The following GLT1D1 variants were observed in gnomAD, a reference collection of about 807,000 sequenced individuals.
GLT1D1 encodes the protein glycosyltransferase 1 domain containing 1.
Under a neutral mutation model 28.7 loss-of-function variants are expected in GLT1D1, and 21 were observed. The observed-to-expected ratio is 0.73, with a 90% CI of 0.52 to 1.05. The LOEUF (loss-of-function observed/expected upper bound fraction) is 1.05. Ranked by LOEUF, GLT1D1 falls within the 50% of genes least tolerant of loss-of-function variation. The pLI is 0.00. For synonymous variants in GLT1D1, 147 were observed against 124.8 expected, an observed-to-expected ratio of 1.18 and a Z score of -1.19; for missense variants, 343 against 330.6, an observed-to-expected ratio of 1.04 and a Z score of -0.29.
chr12:128,978,931 C>T (rs1007966731), intron 7 of GLT1D1, among the ~76,000 whole-genome samples: 1 of 152,162 alleles, frequency 6.6e-6, no homozygotes, highest in East Asian at 1.9e-4. Flanking sequence ...GGAGGTCATG[C>T]TCATCGTCCT....
At chr12:128,972,409 G>T (rs1879272472) in intron 7 of GLT1D1, among the ~76,000 whole-genome samples, 1 of 152,306 alleles carries the variant, frequency 6.6e-6, no homozygotes, top group East Asian at 1.9e-4. Flanking sequence ...CTCTGCTCAT[G>T]CTCCCTTGGC....
intron 2 of GLT1D1, among the ~76,000 whole-genome samples, chr12:128,881,840 A>C (rs145989644): frequency 6.6e-6 from 1 of 151,826 alleles, no homozygotes; most frequent in East Asian, 1.9e-4. Context: ...ATATGTTAGA[A>C]ATAGATGGTC....
At chr12:128,975,036 C>T (rs1474267567) in intron 7 of GLT1D1, among the ~76,000 whole-genome samples, 2 of 145,564 alleles carry the variant, frequency 1.4e-5, no homozygotes, top group Non-Finnish European at 1.6e-5. Context: ...TTAGTGCCCC[C>T]CCGCACCTGC....
rs1056610310 is a variant in GLT1D1, at chr12:128,899,396, G to A, written c.375+109G>A. On this transcript the variant is annotated intron_variant, in intron 4 of 7. Coordinates refer to ENST00000281703, the MANE Select transcript of GLT1D1 (RefSeq NM_144669.3). ...GACAGTGTTCCCATGGACGGTGCCT[G>A]TTGCGGCCACAATAGTGTATTATGT... 12 of 883,630 alleles carry A rather than the reference G, an allele frequency of 1.4e-5. No individual in the cohort carries two copies. The East Asian group carries it at 2.9e-4, about 21-fold the overall frequency. 54.7% of individuals were successfully genotyped at this position (883,630 alleles called of 1,614,324 possible).
chr12:128,879,389 T>TCTTTCTTTCTTTCTTTCTTC (rs1956958056), intron 2 of GLT1D1, among the ~76,000 whole-genome samples: 1 of 57,858 alleles, frequency 1.7e-5, no homozygotes, highest in Non-Finnish European at 3.2e-5. Context: ...TTTCTTTCTT[T>TCTTTCTTTCTTTCTTTCTTC]CTTTCTTTCT....
intron 2 of GLT1D1, among the ~76,000 whole-genome samples, chr12:128,879,385 T>TCTTC (rs1956956996): frequency 4.5e-5 from 2 of 44,700 alleles, no homozygotes; most frequent in African/African-American, 2.1e-4. Context: ...TCTTTTTCTT[T>TCTTC]CTTTCTTTCT....
At chr12:128,974,326 T>C (rs1304962408) in intron 7 of GLT1D1, among the ~76,000 whole-genome samples, 1 of 152,064 alleles carries the variant, frequency 6.6e-6, no homozygotes, top group Non-Finnish European at 1.5e-5. Context: ...TGCTCCCTCC[T>C]ACCCCAGCCA....
intron 7 of GLT1D1, among the ~76,000 whole-genome samples, chr12:128,962,157 T>A (rs2135524558): frequency 6.6e-6 from 1 of 152,244 alleles, no homozygotes; most frequent in African/African-American, 2.4e-5. Context: ...TCCTGGCACT[T>A]GTGTCCTATG....
At chr12:128,869,750 G>T (rs1465043561) in intron 1 of GLT1D1, among the ~76,000 whole-genome samples, 1 of 151,930 alleles carries the variant, frequency 6.6e-6, no homozygotes, top group Admixed American at 6.6e-5. Context: ...CCCTGCAGAT[G>T]GGCGTCCCCT....
Position 128,983,114 on chromosome 12 carries a change from G to T in GLT1D1, c.*24G>T. On this transcript the variant is annotated 3_prime_UTR_variant, in exon 8 of 8. Transcript: ENST00000281703. This position sits in a 1 kb window ranked among gnomAD's most constrained non-coding sequence, Gnocchi z 4.7. The stretch of plus-strand genomic sequence containing the variant: ...GAGGGCCCCGCCTCATCAGACACCT[G>T]CTCTCTGACACACAGCTCTGGGTGC... The T allele has an allele frequency of 6.2e-7, 1 of 1,607,898 alleles. No homozygotes were observed. Among genetic ancestry groups the T allele is most frequent in the Non-Finnish European group, 8.5e-7 (1 of 1,175,900 alleles).
At chr12:128,900,281 G>A (rs886865801) in intron 4 of GLT1D1, among the ~76,000 whole-genome samples, 10 of 152,358 alleles carry the variant, frequency 6.6e-5, no homozygotes, top group Middle Eastern at 6.8e-3. Context: ...ATTTGCAGGC[G>A]TTATTCCTGT....
chr12:128,940,668 G>A (rs1222564133), intron 4 of GLT1D1, among the ~76,000 whole-genome samples: 1 of 152,204 alleles, frequency 6.6e-6, no homozygotes, highest in African/African-American at 2.4e-5. Context: ...CTTCAGGAAT[G>A]CAACAGGACG....
chr12:128,932,341 G>T (rs764932303), intron 4 of GLT1D1, among the ~76,000 whole-genome samples: 4 of 152,146 alleles, frequency 2.6e-5, no homozygotes, highest in African/African-American at 9.7e-5. Context: ...CCATGTCCCC[G>T]TCTGGAGCTG....
At chr12:128,948,728 AG>A (rs1170066805) in intron 6 of GLT1D1, among the ~76,000 whole-genome samples, 2 of 48,478 alleles carry the variant, frequency 4.1e-5, no homozygotes, top group East Asian at 7.8e-4. Context: ...TACTGACAAA[AG>A]TTAAGATCTG....
In GLT1D1 at chr12:128,942,742, TGTTTTTGTTTTTTG is replaced by T. The variant is rs1566157280; in HGVS notation, c.376-2583_376-2570del. 7.3e-4 allele frequency among the ~76,000 whole-genome samples: 73 copies of T among 99,964 alleles called. 9 individuals are homozygous for T. Among genetic ancestry groups the T allele is most frequent in the African/African-American group, 3.0e-3 (70 of 23,656 alleles). The allele number at this position is 99,964 out of a possible 152,430, so 65.6% of individuals were successfully genotyped here. ...TAGATTCCAATTTTCTTTGTTTGTT[TGTTTTTGTTTTTTG>T]TTTTTTTTTTTTGAGACAGAGTCTC... is the stretch of plus-strand genomic sequence containing the variant. On this transcript the variant is annotated intron_variant, in intron 4 of 7. Coordinates refer to ENST00000281703, the MANE Select transcript of GLT1D1 (RefSeq NM_144669.3).
intron 4 of GLT1D1, among the ~76,000 whole-genome samples, chr12:128,913,744 A>G (rs1386594563): frequency 6.6e-6 from 1 of 152,158 alleles, no homozygotes; most frequent in Non-Finnish European, 1.5e-5. Flanking sequence ...CTTCAGTGAC[A>G]TTTTTAGCTG....
intron 4 of GLT1D1, among the ~76,000 whole-genome samples, chr12:128,936,224 G>A (rs1337460302): frequency 1.4e-5 from 2 of 148,002 alleles, no homozygotes; most frequent in South Asian, 2.1e-4. Flanking sequence ...GCCTGATCTC[G>A]GCTCACTGCA....
intron 1 of GLT1D1, among the ~76,000 whole-genome samples, chr12:128,858,940 G>C (rs1442103389): frequency 6.6e-5 from 10 of 152,130 alleles, no homozygotes; most frequent in Non-Finnish European, 1.5e-4. Context: ...TGTTTAAATT[G>C]ACCTATAGCT....
intron 4 of GLT1D1, among the ~76,000 whole-genome samples, chr12:128,942,247 A>G (rs1489477617): frequency 6.6e-6 from 1 of 152,148 alleles, no homozygotes; most frequent in Non-Finnish European, 1.5e-5. Flanking sequence ...TATTCTGATA[A>G]AGACTAATGT....
Sources: gnomAD v4.1 joint callset for allele counts (sites outside exome capture counted in the v4.1 genomes callset) on GRCh38, gnomAD v4.1.1 for gene constraint, Gnocchi (gnomAD v3.1) non-coding constraint, MANE v1.5 for transcripts, NCBI Gene and HGNC (gene_info 2026-07-23, HGNC 2026-07-21) for gene names.